EIF2AK4: variants seen among roughly 807,000 people sequenced by gnomAD.
EIF2AK4 encodes the protein eukaryotic translation initiation factor 2 alpha kinase 4, also known as eIF-2-alpha kinase GCN2.
Under a neutral mutation model 211.1 loss-of-function variants are expected in EIF2AK4, and 139 were observed. That is an observed-to-expected ratio of 0.66 (90% CI 0.57 to 0.76). EIF2AK4 has a LOEUF of 0.76. EIF2AK4 is among the 30% of genes least tolerant of loss of function. The probability of loss-of-function intolerance (pLI) is 0.00; values close to 1 mark genes in which losing one functional copy is unlikely to be tolerated. For missense variants in EIF2AK4, 1,664 were observed against 2,043.8 expected, an observed-to-expected ratio of 0.81 and a Z score of 3.58; for synonymous variants, 710 against 751.3, an observed-to-expected ratio of 0.94 and a Z score of 0.90.
chr15:39,983,440 T>C (rs1049945083), intron 13 of EIF2AK4, among the ~76,000 whole-genome samples: 2 of 145,238 alleles, frequency 1.4e-5, no homozygotes, highest in African/African-American at 5.1e-5. Context: ...AGATTCTGGA[T>C]ATTAGCCTTT....
rs139955345 is a variant in EIF2AK4 at position 39,942,994 on chromosome 15, G to A, written c.258-389G>A. ...ACCATACAAAGGAGCACATGGTTAAGTTACTGGGCTAGAGTCAGCTGCAGA... is the reference window on the plus strand; with the variant it reads ...ACCATACAAAGGAGCACATGGTTAAATTACTGGGCTAGAGTCAGCTGCAGA... On this transcript the variant is annotated intron_variant, in intron 2 of 38. Coordinates refer to ENST00000263791, the MANE Select transcript of EIF2AK4 (RefSeq NM_001013703.4). Among the ~76,000 whole-genome samples the A allele has an allele frequency of 7.9e-5, 12 of 152,114 alleles. No individual in the cohort carries two copies. The East Asian group carries it at 2.3e-3, about 29-fold the overall frequency.
At chr15:40,030,734 T>C (rs1180961400) in intron 35 of EIF2AK4, among the ~76,000 whole-genome samples, 1 of 152,038 alleles carries the variant, frequency 6.6e-6, no homozygotes, top group Non-Finnish European at 1.5e-5. Flanking sequence ...CTAAAGGTAG[T>C]TGAGGTTTGT....
At chr15:39,999,523 A>G (rs2035064372) in intron 20 of EIF2AK4, among the ~76,000 whole-genome samples, 1 of 152,216 alleles carries the variant, frequency 6.6e-6, no homozygotes, top group Non-Finnish European at 1.5e-5. Context: ...GGAATATTGT[A>G]TTAATTTGGT....
intron 37 of EIF2AK4, 42 bp from the exon 38 acceptor site, chr15:40,034,284 C>A: frequency 6.5e-7 from 1 of 1,527,566 alleles, no homozygotes; most frequent in Non-Finnish European, 9.0e-7. Flanking sequence ...AGCTAGTAAA[C>A]CCTAGAGACC....
chr15:39,975,301 GTTC>G (rs1472592900), intron 11 of EIF2AK4: 5 of 148,380 alleles, frequency 3.4e-5, no homozygotes, highest in African/African-American at 1.3e-4. Flanking sequence ...CAAAGTGTGT[GTTC>G]TTGTCACTAT....
chr15:39,950,013 T>C (rs1326333564), intron 4 of EIF2AK4, among the ~76,000 whole-genome samples: 1 of 152,026 alleles, frequency 6.6e-6, no homozygotes, highest in Non-Finnish European at 1.5e-5. Context: ...AATTTATTTT[T>C]CTAAAGTTTT....
At chr15:39,965,156 T>C (rs568201377) in intron 7 of EIF2AK4, among the ~76,000 whole-genome samples, 1 of 152,310 alleles carries the variant, frequency 6.6e-6, no homozygotes, top group East Asian at 1.9e-4. Context: ...AGTCTTGCTC[T>C]TGTCGCCCAG....
chr15:39,977,980 TC>T, intron 12 of EIF2AK4, 97 bp from the exon 13 acceptor site: 1 of 755,652 alleles, frequency 1.3e-6, no homozygotes, highest in Non-Finnish European at 2.2e-6. Flanking sequence ...TGGTGTGATG[TC>T]TGTAGCCTCT....
intron 6 of EIF2AK4, among the ~76,000 whole-genome samples, chr15:39,960,088 C>T (rs527708242): frequency 4.0e-5 from 6 of 148,606 alleles, no homozygotes; most frequent in East Asian, 4.0e-4. Context: ...GGTGTGAACC[C>T]GGGAGGCGGA....
At position 39,998,265 on chromosome 15, in the gene EIF2AK4, T is replaced by G. The variant is rs200573071; in HGVS notation, c.2869-466T>G. ...GTTGGTATATGGGTGTGGTTTTTTT[T>G]TTTTGTTTTGTTTTTTTTTGCCTTT... On this transcript the variant is annotated intron_variant, in intron 19 of 38. Transcript: ENST00000263791. 5.6e-3 allele frequency among the ~76,000 whole-genome samples: 683 copies of G among 123,028 alleles called. 10 individuals carry two copies. Among genetic ancestry groups the G allele is most frequent in the East Asian group, 0.017 (77 of 4,652 alleles). 80.7% of individuals were successfully genotyped at this position (123,028 alleles called of 152,430 possible). A position where few individuals can be genotyped will look rare whatever the true frequency, so the allele number is the denominator to read the frequency against.
chr15:40,029,412 T>C lies in EIF2AK4; in HGVS notation c.4509T>C (p.Ala1503=). Residue 1503 remains alanine, a synonymous_variant, in exon 34 of 39, where the codon GCT becomes GCC. Coordinates refer to ENST00000263791, the MANE Select transcript of EIF2AK4 (RefSeq NM_001013703.4). ...TTTGTTTGCTTGTTTTTAGAGAAGCTTCCGATAATCTTGCAGTGCAAAATC... is the reference window on the plus strand; with the variant it reads ...TTTGTTTGCTTGTTTTTAGAGAAGCCTCCGATAATCTTGCAGTGCAAAATC... ...KVTDERNGRE[A]SDNLAVQNLK... The C allele has an allele frequency of 6.2e-7, 1 of 1,612,962 alleles. No homozygotes were observed. The highest frequency in any genetic ancestry group is 8.5e-7 in the Non-Finnish European group (1 of 1,179,822).
intron 4 of EIF2AK4, 62 bp from the exon 5 acceptor site, chr15:39,953,842 A>G (rs1387822184): frequency 2.8e-5 from 42 of 1,511,460 alleles, no homozygotes; most frequent in Non-Finnish European, 3.7e-5. Context: ...CTGTAGTTCC[A>G]TAATTTATAT....
At chr15:40,034,176 TCTC>T in intron 37 of EIF2AK4, 147 bp from the exon 38 acceptor site, 1 of 596,254 alleles carries the variant, frequency 1.7e-6, no homozygotes, top group Non-Finnish European at 3.0e-6. Flanking sequence ...ACCCCAGCAG[TCTC>T]CTAACTGGTT....
At chr15:40,028,545 C>A (rs909100367) in intron 33 of EIF2AK4, among the ~76,000 whole-genome samples, 1 of 152,064 alleles carries the variant, frequency 6.6e-6, no homozygotes, top group Non-Finnish European at 1.5e-5. Flanking sequence ...ACTACTACCC[C>A]CCAACAGAGA....
intron 31 of EIF2AK4, chr15:40,021,486 TG>T (rs1456115368): frequency 6.5e-6 from 1 of 152,690 alleles, no homozygotes; most frequent in Non-Finnish European, 1.5e-5. Context: ...TGTGATTACG[TG>T]GGGCCCACCC....
intron 18 of EIF2AK4, among the ~76,000 whole-genome samples, chr15:39,996,717 G>GA (rs1306988677): frequency 2.0e-5 from 3 of 151,470 alleles, no homozygotes; most frequent in African/African-American, 7.3e-5. Context: ...CCTCAAAAAA[G>GA]AAAAAAAATT....
At chr15:40,024,961 A>G (rs1461416464) in intron 32 of EIF2AK4, among the ~76,000 whole-genome samples, 3 of 152,106 alleles carry the variant, frequency 2.0e-5, no homozygotes, top group African/African-American at 4.8e-5. Flanking sequence ...GCTAAATGCC[A>G]TGAGAGTCCT....
rs538770041 is a variant in EIF2AK4 at position 39,970,665 on chromosome 15, G to A, written c.1554-2243G>A. Among the ~76,000 whole-genome samples, 16 of 152,260 alleles carry A rather than the reference G, an allele frequency of 1.1e-4. No individual in the cohort carries two copies. In the South Asian group the frequency reaches 2.3e-3, roughly 22 times the overall value. Reference sequence around the variant, plus strand: ...AAAACAATACTATTTTGTTTGGATGGTTGTATGTTTATGTGTATAAATGCA... The same window carrying A: ...AAAACAATACTATTTTGTTTGGATGATTGTATGTTTATGTGTATAAATGCA... On this transcript the variant is annotated intron_variant, in intron 9 of 38. Coordinates refer to ENST00000263791, the MANE Select transcript of EIF2AK4 (RefSeq NM_001013703.4).
intron 3 of EIF2AK4, among the ~76,000 whole-genome samples, chr15:39,945,984 T>C (rs926827479): frequency 3.9e-5 from 6 of 152,316 alleles, no homozygotes; most frequent in Middle Eastern, 3.4e-3. Flanking sequence ...AAAATATTAT[T>C]GCTCATTGAC....
Sources: allele counts gnomAD v4.1 joint callset (sites outside exome capture counted in the v4.1 genomes callset), GRCh38; gene constraint gnomAD v4.1.1; transcripts MANE v1.5; gene names NCBI Gene and HGNC (gene_info 2026-07-23, HGNC 2026-07-21).